The following FAM222A variants were observed in gnomAD, a reference collection of about 807,000 sequenced individuals.
FAM222A encodes protein FAM222A.
FAM222A carries 7 observed loss-of-function variants against 25.8 expected under a neutral mutation model. That is an observed-to-expected ratio of 0.27 (90% confidence interval 0.15 to 0.51). FAM222A has a LOEUF of 0.51. FAM222A is among the 20% of genes least tolerant of loss of function. The pLI is 0.97. For synonymous variants in FAM222A, 294 were observed against 298.8 expected, an observed-to-expected ratio of 0.98 and a Z score of 0.17; for missense variants, 573 against 640.5, an observed-to-expected ratio of 0.89 and a Z score of 1.14.
chr12:109,745,535 ATGGTGTATC>A (rs1214527174), intron 2 of FAM222A, among the ~76,000 whole-genome samples: 1 of 152,224 alleles, frequency 6.6e-6, no homozygotes, highest in East Asian at 1.9e-4. Flanking sequence ...ACATCTTTAG[ATGGTGTATC>A]TGTGGATACC....
At chr12:109,748,333 T>TG (rs1888464060) in intron 2 of FAM222A, among the ~76,000 whole-genome samples, 1 of 44,348 alleles carries the variant, frequency 2.3e-5, no homozygotes, top group Non-Finnish European at 5.2e-5. Flanking sequence ...TGGTTTTCTT[T>TG]CTTTTTTTTT....
intron 1 of FAM222A, chr12:109,735,759 T>C (rs10850645): frequency 0.18 from 27,542 of 152,228 alleles, 2,805 homozygotes; most frequent in East Asian, 0.29. Flanking sequence ...CACAGCCCCA[T>C]TATGACATCG....
intron 1 of FAM222A, among the ~76,000 whole-genome samples, chr12:109,726,007 G>T (rs1887836474): frequency 6.6e-6 from 1 of 151,728 alleles, no homozygotes; most frequent in Non-Finnish European, 1.5e-5. Flanking sequence ...CAGGGCGAGG[G>T]TTGCTGGGGG....
intron 1 of FAM222A, chr12:109,720,060 G>A (rs1385505990): frequency 1.1e-5 from 11 of 982,214 alleles, no homozygotes; most frequent in Non-Finnish European, 1.3e-5. Flanking sequence ...GGGTGAGCTT[G>A]CATGTGCATA....
At chr12:109,724,672 C>T (rs1439691576) in intron 1 of FAM222A, among the ~76,000 whole-genome samples, 1 of 152,190 alleles carries the variant, frequency 6.6e-6, no homozygotes, top group African/African-American at 2.4e-5. Flanking sequence ...TGTCGGTCCT[C>T]CCTCTCTGTG....
At chr12:109,754,866 C>T (rs1181886579) in intron 2 of FAM222A, among the ~76,000 whole-genome samples, 1 of 152,090 alleles carries the variant, frequency 6.6e-6, no homozygotes, top group African/African-American at 2.4e-5. Flanking sequence ...GGGATGGGGT[C>T]TCACTATGTT....
chr12:109,757,261 G>A (rs904307711), intron 2 of FAM222A, among the ~76,000 whole-genome samples: 45 of 152,252 alleles, frequency 3.0e-4, no homozygotes, highest in African/African-American at 8.9e-4. Context: ...GCATTTGTGT[G>A]TGTGTAACTC....
At position 109,769,289 on chromosome 12, in the gene FAM222A, G is replaced by T; in HGVS notation, c.*1G>T. The T allele has an allele frequency of 6.2e-7, 1 of 1,606,544 alleles. No homozygotes were observed. The highest frequency in any genetic ancestry group is 8.5e-7 in the Non-Finnish European group (1 of 1,177,256). Reference sequence around the variant, plus strand: ...CATCCGCCTACCCGTCTACAGATAAGGCCTGCCCTGCGGACATACGGACAT... The same window carrying T: ...CATCCGCCTACCCGTCTACAGATAATGCCTGCCCTGCGGACATACGGACAT... On this transcript the variant is annotated 3_prime_UTR_variant, in exon 3 of 3. Coordinates refer to ENST00000538780, the MANE Select transcript of FAM222A (RefSeq NM_032829.3).
intron 1 of FAM222A, chr12:109,720,277 G>T (rs1205049237): frequency 1.3e-6 from 1 of 753,768 alleles, no homozygotes; most frequent in Non-Finnish European, 1.6e-6. Context: ...CTGTGAACAG[G>T]CTCCCGGGGA....
At position 109,768,934 on chromosome 12, in the gene FAM222A, G is replaced by T; in HGVS notation, c.1005G>T (p.Leu335=). The change falls in exon 3 of 3, where the codon CTG becomes CTT. Residue 335 remains leucine, a synonymous_variant. Transcript: ENST00000538780. ...CACCCCTCAACTGTGGCGTGGGGCT[G>T]CCCACCAGCTTCACCGTAGGCCAGT... ...SGSPLNCGVG[L]PTSFTVGQYF... is the part of the protein sequence containing the mutation. 1 of 1,576,320 alleles carries T rather than the reference G, an allele frequency of 6.3e-7. No individual in the cohort carries two copies.
rs952260761 is a variant in FAM222A, at chr12:109,769,107, G to C, written c.1178G>C (p.Ser393Thr). ...GCAGATGCCCTCTCGGGCCTGCCCA[G>C]CAAGAGTGTGTGCAACACATCGGTG... ...PPADALSGLP[S>T]KSVCNTSVLS... The change falls in exon 3 of 3, where the codon AGC becomes ACC. Residue 393 changes from serine to threonine, a missense_variant. Coordinates refer to ENST00000538780, the MANE Select transcript of FAM222A (RefSeq NM_032829.3). The C allele has an allele frequency of 1.2e-6, 2 of 1,610,574 alleles. No individual in the cohort carries two copies. Among genetic ancestry groups the C allele is most frequent in the African/African-American group, 2.7e-5 (2 of 74,892 alleles).
chr12:109,738,101 GAGAC>G (rs1454697206), intron 1 of FAM222A, among the ~76,000 whole-genome samples: 5 of 152,196 alleles, frequency 3.3e-5, no homozygotes, highest in Admixed American at 6.5e-5. Flanking sequence ...GGAGAGGAAA[GAGAC>G]AGACAGTGGA....
At chr12:109,722,578 C>A (rs896651827) in intron 1 of FAM222A, 1 of 152,264 alleles carries the variant, frequency 6.6e-6, no homozygotes, top group African/African-American at 2.4e-5. Context: ...CCTCTCCAGG[C>A]AAAGTTGAAC....
At chr12:109,724,789 A>G (rs1887811293) in intron 1 of FAM222A, among the ~76,000 whole-genome samples, 1 of 152,004 alleles carries the variant, frequency 6.6e-6, no homozygotes, top group South Asian at 2.1e-4. Context: ...TGCTTTGTAC[A>G]CTAATGTCTT....
At chr12:109,719,876 T>A (rs1887716310) in intron 1 of FAM222A, among the ~76,000 whole-genome samples, 1 of 152,114 alleles carries the variant, frequency 6.6e-6, no homozygotes, top group African/African-American at 2.4e-5. Context: ...AAGATCCCAG[T>A]GCCTTAGAGG....
intron 2 of FAM222A, chr12:109,744,681 C>T (rs1888345018): frequency 3.0e-6 from 3 of 985,408 alleles, no homozygotes; most frequent in African/African-American, 1.7e-5. Flanking sequence ...GGGACCTAGA[C>T]CTGGTGACCA....
chr12:109,767,969 C>A, intron 2 of FAM222A, 43 bp from the exon 3 acceptor site: 1 of 1,583,162 alleles, frequency 6.3e-7, no homozygotes. Flanking sequence ...GAGAGGTTGG[C>A]ATGGCCTCCT....
At chr12:109,727,906 T>C (rs938239825) in intron 1 of FAM222A, among the ~76,000 whole-genome samples, 1 of 152,116 alleles carries the variant, frequency 6.6e-6, no homozygotes, top group African/African-American at 2.4e-5. Context: ...CCCTCAATCG[T>C]GGCGGGACTC....
At chr12:109,747,902 A>C (rs1367625035) in intron 2 of FAM222A, among the ~76,000 whole-genome samples, 1 of 152,128 alleles carries the variant, frequency 6.6e-6, no homozygotes, top group Non-Finnish European at 1.5e-5. Flanking sequence ...TAATTTCTTT[A>C]TTTTATTTAA....
Sources: gnomAD v4.1 joint callset for allele counts (sites outside exome capture counted in the v4.1 genomes callset) on GRCh38, gnomAD v4.1.1 for gene constraint, MANE v1.5 for transcripts, NCBI Gene and HGNC (gene_info 2026-07-23, HGNC 2026-07-21) for gene names.